Variants in HP1BP3 observed in about 807,000 individuals in gnomAD.
The protein encoded by HP1BP3 is heterochromatin protein 1-binding protein 3.
HP1BP3 carries 12 observed loss-of-function variants against 62.5 expected under a neutral mutation model. The observed-to-expected ratio is 0.19, with a 90% CI of 0.12 to 0.31. HP1BP3 has a LOEUF of 0.31. Ranked by LOEUF, HP1BP3 falls within the 10% of genes least tolerant of loss-of-function variation. HP1BP3 has a pLI of 1.00. For synonymous variants in HP1BP3, 260 were observed against 237.8 expected, an observed-to-expected ratio of 1.09 and a Z score of -0.86; for missense variants, 502 against 651.8, an observed-to-expected ratio of 0.77 and a Z score of 2.50.
intron 9 of HP1BP3, among the ~76,000 whole-genome samples, chr1:20,754,332 C>T (rs768249037): frequency 3.3e-5 from 5 of 152,156 alleles, no homozygotes; most frequent in Non-Finnish European, 5.9e-5. Flanking sequence ...CGAACAACTA[C>T]AAAACACTGC....
At chr1:20,750,879 G>T (rs375120564) in intron 9 of HP1BP3, among the ~76,000 whole-genome samples, 1 of 139,012 alleles carries the variant, frequency 7.2e-6, no homozygotes, top group Non-Finnish European at 1.5e-5. Flanking sequence ...TTGCAATGAC[G>T]TGGTTTCAGC....
rs573714962 is a variant in HP1BP3 at position 20,743,334 on chromosome 1, G to A, written c.*1463C>T. ...AGGCAAACAAGAAGTGACAACTCAT[G>A]CTCCAAATATTAAAAAATATATTTA... On this transcript the variant is annotated 3_prime_UTR_variant, in exon 13 of 13. Transcript: ENST00000438032. 2.0e-5 allele frequency: 3 copies of A among 152,616 alleles called. No individual in the cohort carries two copies. The highest frequency in any genetic ancestry group is 2.4e-5 in the African/African-American group (1 of 41,526). The allele number at this position is 152,616 out of a possible 1,614,324, so 9.5% of individuals were successfully genotyped here. A position where few individuals can be genotyped will look rare whatever the true frequency, so the allele number is the denominator to read the frequency against.
rs75636952 is a variant in HP1BP3, at chr1:20,752,958, T to C, written c.982-3076A>G. On this transcript the variant is annotated intron_variant, in intron 9 of 12. Transcript: ENST00000438032. ...TTTTCTTGGAACACGTTTTTTTTTT[T>C]TGAGACGGAGTCTCATTCTGTCACC... 1.8e-4 allele frequency among the ~76,000 whole-genome samples: 27 copies of C among 152,272 alleles called. No homozygotes were observed. The East Asian group carries it at 5.2e-3, about 29-fold the overall frequency.
intron 1 of HP1BP3, among the ~76,000 whole-genome samples, chr1:20,783,477 C>T (rs540748224): frequency 1.3e-5 from 2 of 152,116 alleles, no homozygotes; most frequent in East Asian, 3.9e-4. Context: ...TGAGATCATG[C>T]CACTGCACTC....
intron 3 of HP1BP3, among the ~76,000 whole-genome samples, chr1:20,779,511 T>C (rs1271800558): frequency 6.6e-6 from 1 of 152,144 alleles, no homozygotes; most frequent in African/African-American, 2.4e-5. Flanking sequence ...CTGATCCCCA[T>C]GACACTTTAT....
chr1:20,770,556 C>T (rs1421989450), intron 6 of HP1BP3, among the ~76,000 whole-genome samples: 1 of 152,100 alleles, frequency 6.6e-6, no homozygotes, highest in Non-Finnish European at 1.5e-5. Flanking sequence ...CTCAAGTGAT[C>T]CTCCCAACTA....
intron 8 of HP1BP3, among the ~76,000 whole-genome samples, chr1:20,758,905 G>A (rs755688692): frequency 6.2e-5 from 9 of 144,874 alleles, no homozygotes; most frequent in African/African-American, 1.3e-4. Context: ...CTCCCGCTTC[G>A]GCCTCCCAAA....
Position 20,745,026 on chromosome 1 carries a change from T to C in HP1BP3, c.1433A>G (p.Lys478Arg). 2 of 1,614,160 alleles carry C rather than the reference T, an allele frequency of 1.2e-6. No individual in the cohort carries two copies. The highest frequency in any genetic ancestry group is 1.3e-5 in the African/African-American group (1 of 75,054). The change falls in exon 13 of 13, where the codon AAA (lysine) becomes AGA (arginine). Residue 478 changes from lysine (K) to arginine (R), a missense_variant. Lys to Arg is a conservative substitution (Grantham distance 26). This residue lies in a region of HP1BP3 where 194 missense variants were observed against 207.0 expected (regional missense o/e 0.94). Transcript: ENST00000438032. ...GGCAGCTGAGACTTTAGGTGCAGGT[T>C]TGGACCCTCTCTGCTTCACAGATGC... ...KAASVKQRGSKPAPKVSAAQR... is the reference protein window; with the variant it reads ...KAASVKQRGSRPAPKVSAAQR...
At chr1:20,780,726 C>G (rs1274848373) in intron 1 of HP1BP3, among the ~76,000 whole-genome samples, 186 bp from the exon 2 acceptor site, 1 of 152,098 alleles carries the variant, frequency 6.6e-6, no homozygotes, top group Non-Finnish European at 1.5e-5. Flanking sequence ...GCAACTAAGA[C>G]GAATGCATAA....
intron 2 of HP1BP3, 106 bp from the exon 3 acceptor site, chr1:20,780,017 G>A (rs2057472141): frequency 8.9e-6 from 7 of 790,720 alleles, no homozygotes; most frequent in Non-Finnish European, 1.4e-5. Flanking sequence ...TCTTCAAGTC[G>A]ACTCCAGGAT....
rs558830136 is a variant in HP1BP3, at chr1:20,753,187, C to T, written c.982-3305G>A. 2.6e-5 allele frequency among the ~76,000 whole-genome samples: 4 copies of T among 152,276 alleles called. No individual in the cohort carries two copies. The East Asian group carries it at 7.7e-4, about 29-fold the overall frequency. On this transcript the variant is annotated intron_variant, in intron 9 of 12. Transcript: ENST00000438032. The stretch of plus-strand genomic sequence containing the variant: ...GGATCTCCTGACCTCGTGATTCGCC[C>T]ACCTCGGCCTCCCCAAAGTGCTGGG...
chr1:20,786,964 A>G (rs2057870689), intron 1 of HP1BP3, among the ~76,000 whole-genome samples: 1 of 151,864 alleles, frequency 6.6e-6, no homozygotes, highest in Admixed American at 6.5e-5. Context: ...AGGGCCCCTG[A>G]GGAGGAGTCC....
Position 20,757,205 on chromosome 1 carries a change from T to C in HP1BP3, c.942A>G (p.Leu314=). The C allele has an allele frequency of 1.2e-6, 2 of 1,613,342 alleles. No homozygotes were observed. The highest frequency in any genetic ancestry group is 1.7e-6 in the Non-Finnish European group (2 of 1,179,602). The part of the protein sequence containing the change: ...ALQRAVERGQ[L]EQITGKGASG... ...AAGCACCTTTGCCAGTTATCTGTTC[T>C]AACTGGCCCCTCTCTACTGCTCTCT... The change falls in exon 9 of 13, where the codon TTA becomes TTG. Residue 314 remains leucine, a synonymous_variant. Coordinates refer to ENST00000438032, the MANE Select transcript of HP1BP3 (RefSeq NM_001372052.1).
intron 5 of HP1BP3, among the ~76,000 whole-genome samples, chr1:20,771,463 T>G (rs755664758): frequency 6.6e-6 from 1 of 152,208 alleles, no homozygotes; most frequent in Non-Finnish European, 1.5e-5. Flanking sequence ...GCTTAAGGAA[T>G]GAGCATGCCA....
chr1:20,770,884 G>A (rs1206779973), intron 6 of HP1BP3, 46 bp downstream of exon 6: 3 of 1,440,572 alleles, frequency 2.1e-6, no homozygotes, highest in Non-Finnish European at 2.8e-6. Context: ...TAGACTTAAA[G>A]CTAATACACA....
At chr1:20,758,286 C>T (rs1158315678) in intron 8 of HP1BP3, among the ~76,000 whole-genome samples, 2 of 152,160 alleles carry the variant, frequency 1.3e-5, no homozygotes, top group African/African-American at 2.4e-5. Context: ...TTACTAGGTA[C>T]CAAGGACTAT....
intron 8 of HP1BP3, among the ~76,000 whole-genome samples, chr1:20,763,774 CAG>C (rs964013976): frequency 6.6e-6 from 1 of 152,174 alleles, no homozygotes; most frequent in African/African-American, 2.4e-5. Context: ...AAAATTATCT[CAG>C]AATTTTATGC....
intron 8 of HP1BP3, among the ~76,000 whole-genome samples, chr1:20,764,704 A>C (rs2056679411): frequency 6.6e-6 from 1 of 151,172 alleles, no homozygotes; most frequent in Non-Finnish European, 1.5e-5. Context: ...AAAAAAAAAA[A>C]AAAACCACAC....
intron 1 of HP1BP3, among the ~76,000 whole-genome samples, chr1:20,783,683 T>A (rs909744595): frequency 7.1e-6 from 1 of 141,220 alleles, no homozygotes; most frequent in Non-Finnish European, 1.5e-5. Flanking sequence ...GGCAGGAGAA[T>A]CACTTGAACC....
Sources: allele counts gnomAD v4.1 joint callset (sites outside exome capture counted in the v4.1 genomes callset), GRCh38; gene constraint gnomAD v4.1.1; regional missense constraint gnomAD v4.1.1; transcripts MANE v1.5; gene names NCBI Gene and HGNC (gene_info 2026-07-23, HGNC 2026-07-21).